The following ITPR2 variants were observed in gnomAD, a reference collection of about 807,000 sequenced individuals.
ITPR2 encodes the protein inositol 1,4,5-trisphosphate receptor type 2.
ITPR2 carries 207 observed loss-of-function variants against 317.1 expected under a neutral mutation model. That is an observed-to-expected ratio of 0.65 (90% CI 0.58 to 0.73). The LOEUF (loss-of-function observed/expected upper bound fraction) is 0.73. ITPR2 is among the 30% of genes least tolerant of loss of function. The pLI is 0.00. For synonymous variants in ITPR2, 1,156 were observed against 1,149.1 expected (o/e 1.01, Z -0.12); for missense variants, 2,613 against 3,284.0 (o/e 0.80, Z 4.99).
At chr12:26,410,734 T>C (rs1940521141) in intron 52 of ITPR2, among the ~76,000 whole-genome samples, 1 of 152,234 alleles carries the variant, frequency 6.6e-6, no homozygotes, top group Non-Finnish European at 1.5e-5. Context: ...ACACATGCCA[T>C]AGTTTCCAGC....
At chr12:26,782,058 AGAGAGAGAGAGAGAGC>A (rs1407753482) in intron 2 of ITPR2, among the ~76,000 whole-genome samples, 9 of 137,214 alleles carry the variant, frequency 6.6e-5, no homozygotes, top group South Asian at 2.4e-4. Flanking sequence ...AGAGAGAGAG[AGAGAGAGAGAGAGAGC>A]GAGAGAGATC....
chr12:26,695,143 G>C (rs914966085), intron 10 of ITPR2, among the ~76,000 whole-genome samples: 2 of 152,096 alleles, frequency 1.3e-5, no homozygotes, highest in Non-Finnish European at 2.9e-5. Context: ...ATTACAGACC[G>C]TATCTAGATT....
chr12:26,495,494 A>G (rs1942912688), intron 37 of ITPR2: 1 of 435,142 alleles, frequency 2.3e-6, no homozygotes. Context: ...GAGGTGACGA[A>G]CAGGTTTATG....
At position 26,561,879 on chromosome 12, in the gene ITPR2, T is replaced by G. The variant is rs372154475; in HGVS notation, c.4704A>C (p.Ser1568=). The change falls in exon 35 of 57, where the codon TCA becomes TCC. Residue 1568 remains serine (S), a synonymous_variant. Transcript: ENST00000381340. Reference sequence around the variant, plus strand: ...CCATTGCTGCTCTCTGCACCATATTTGAATGGCTCTTCATGAAAAGAGTAT... The same window carrying G: ...CCATTGCTGCTCTCTGCACCATATTGGAATGGCTCTTCATGAAAAGAGTAT... ...QVNTLFMKSH[S]NMVQRAAMGW... 59 of 1,589,168 alleles carry G rather than the reference T, an allele frequency of 3.7e-5. No homozygotes were observed. Among genetic ancestry groups the G allele is most frequent in the Non-Finnish European group, 4.9e-5 (58 of 1,173,534 alleles).
intron 37 of ITPR2, among the ~76,000 whole-genome samples, chr12:26,510,760 C>T (rs891491766): frequency 3.3e-5 from 5 of 152,184 alleles, no homozygotes; most frequent in Non-Finnish European, 7.4e-5. Context: ...GGCAGTTTCA[C>T]AAATGTCATC....
rs1160442495 is a variant in ITPR2, at chr12:26,659,130, C to A, written c.1869G>T (p.Arg623Ser). The change falls in exon 16 of 57, where the codon AGG (arginine) becomes AGT (serine). Residue 623 changes from arginine to serine, a missense_variant. Arg to Ser is a moderately radical substitution (Grantham distance 110, BLOSUM62 -1). Coordinates refer to ENST00000381340, the MANE Select transcript of ITPR2 (RefSeq NM_002223.4). The stretch of plus-strand genomic sequence containing the variant: ...TTTCAAACCTTGGCTCCCGATTTCT[C>A]CTGAGTAAACTGACAAATGTTTCTA... ...KEIETFVSLL[R>S]RNREPRFLDY... 6.2e-7 allele frequency: 1 copy of A among 1,612,828 alleles called. No individual in the cohort carries two copies. The highest frequency in any genetic ancestry group is 8.5e-7 in the Non-Finnish European group (1 of 1,179,402).
chr12:26,579,250 A>T (rs2137072323), intron 33 of ITPR2, among the ~76,000 whole-genome samples: 1 of 152,278 alleles, frequency 6.6e-6, no homozygotes, highest in African/African-American at 2.4e-5. Flanking sequence ...CTATGGTTCT[A>T]TCTAATAGTT....
At chr12:26,802,497 A>T (rs908807387) in intron 1 of ITPR2, among the ~76,000 whole-genome samples, 1 of 151,224 alleles carries the variant, frequency 6.6e-6, no homozygotes, top group Non-Finnish European at 1.5e-5. Flanking sequence ...ATTAATATAC[A>T]TATCCAACTA....
intron 51 of ITPR2, among the ~76,000 whole-genome samples, chr12:26,412,247 G>A (rs1191967475): frequency 1.3e-5 from 2 of 152,174 alleles, no homozygotes; most frequent in Admixed American, 1.3e-4. Flanking sequence ...CTAATCAGCT[G>A]AGATGGGGTA....
chr12:26,370,318 C>G (rs1201793251), intron 55 of ITPR2, among the ~76,000 whole-genome samples: 1 of 152,004 alleles, frequency 6.6e-6, no homozygotes, highest in Non-Finnish European at 1.5e-5. Context: ...GGGTGGTTAG[C>G]CCGGGAATTA....
At chr12:26,746,523 C>T (rs778717103) in intron 2 of ITPR2, among the ~76,000 whole-genome samples, 4 of 152,216 alleles carry the variant, frequency 2.6e-5, no homozygotes, top group Admixed American at 6.5e-5. Flanking sequence ...GCGATCTGAT[C>T]TCATGACTCA....
chr12:26,340,195 G>A lies in ITPR2; in HGVS notation c.7991C>T (p.Ser2664Leu), dbSNP rs200692965. The change falls in exon 56 of 57, where the codon TCG becomes TTG. Residue 2664 changes from serine (S) to leucine (L), a missense_variant. This residue lies in a region of ITPR2 where 119 missense variants were observed against 144.3 expected (regional missense o/e 0.82). Coordinates refer to ENST00000381340, the MANE Select transcript of ITPR2 (RefSeq NM_002223.4). ...ESTMSLVKQL[S>L]GQLAELKEQM... Reference sequence around the variant, plus strand: ...CTCCTTGAGCTCCGCCAGCTGACCCGACAGCTGTTTGACCAGACTCATGGT... The same window carrying A: ...CTCCTTGAGCTCCGCCAGCTGACCCAACAGCTGTTTGACCAGACTCATGGT... 5.0e-6 allele frequency: 8 copies of A among 1,606,880 alleles called. No individual in the cohort carries two copies. Among genetic ancestry groups the A allele is most frequent in the Admixed American group, 1.7e-5 (1 of 59,072 alleles).
chr12:26,411,491 T>G, intron 51 of ITPR2, 79 bp from the exon 52 acceptor site: 2 of 984,472 alleles, frequency 2.0e-6, no homozygotes, highest in Non-Finnish European at 3.1e-6. Context: ...TCTAAAGATA[T>G]GTAAATTAAA....
chr12:26,654,171 GAA>G, intron 20 of ITPR2, 45 bp from the exon 21 acceptor site: 3 of 1,416,540 alleles, frequency 2.1e-6, no homozygotes, highest in Non-Finnish European at 2.8e-6. Flanking sequence ...TGAAAGAGTG[GAA>G]AAAAAAATTG....
At chr12:26,799,964 A>C (rs1452290443) in intron 1 of ITPR2, among the ~76,000 whole-genome samples, 1 of 152,250 alleles carries the variant, frequency 6.6e-6, no homozygotes, top group Non-Finnish European at 1.5e-5. Context: ...AGACAAGTTC[A>C]GGTCCAGATC....
At chr12:26,784,485 C>A (rs934629540) in intron 2 of ITPR2, among the ~76,000 whole-genome samples, 1 of 151,080 alleles carries the variant, frequency 6.6e-6, no homozygotes, top group African/African-American at 2.4e-5. Flanking sequence ...CGGGTGCCTG[C>A]GCACGCCGCC....
chr12:26,679,606 G>C (rs1001813669), intron 13 of ITPR2, among the ~76,000 whole-genome samples: 3 of 152,102 alleles, frequency 2.0e-5, no homozygotes, highest in Non-Finnish European at 2.9e-5. Context: ...CAAAGAAATG[G>C]AGTTTGTTTT....
At chr12:26,731,021 C>T (rs1217715236) in intron 2 of ITPR2, among the ~76,000 whole-genome samples, 1 of 152,138 alleles carries the variant, frequency 6.6e-6, no homozygotes, top group East Asian at 1.9e-4. Context: ...TATCAGGAGG[C>T]CACTCCTGAA....
At position 26,338,580 on chromosome 12, in the gene ITPR2, A is replaced by G. The variant is rs1334366098; in HGVS notation, c.*817T>C. The G allele has an allele frequency of 3.3e-5, 5 of 152,426 alleles. No individual in the cohort carries two copies. The East Asian group carries it at 5.8e-4, about 18-fold the overall frequency. The allele number at this position is 152,426 out of a possible 1,614,324, so 9.4% of individuals were successfully genotyped here. A position where few individuals can be genotyped will look rare whatever the true frequency, so the allele number is the denominator to read the frequency against. ...TGTATTAATCTCAATATATTTTAATAGCATACATATGGTCTCAAAAAACCC... is the reference window on the plus strand; with the variant it reads ...TGTATTAATCTCAATATATTTTAATGGCATACATATGGTCTCAAAAAACCC... On this transcript the variant is annotated 3_prime_UTR_variant, in exon 57 of 57. Coordinates refer to ENST00000381340, the MANE Select transcript of ITPR2 (RefSeq NM_002223.4).
Sources: allele counts gnomAD v4.1 joint callset (sites outside exome capture counted in the v4.1 genomes callset), GRCh38; gene constraint gnomAD v4.1.1; regional missense constraint gnomAD v4.1.1; transcripts MANE v1.5; gene names NCBI Gene and HGNC (gene_info 2026-07-23, HGNC 2026-07-21).